The following INSYN1 variants were observed in gnomAD, a reference collection of about 807,000 sequenced individuals.
INSYN1 encodes inhibitory synaptic factor 1.
Under a neutral mutation model 17.1 loss-of-function variants are expected in INSYN1, and 7 were observed. That is an observed-to-expected ratio of 0.41 (90% CI 0.23 to 0.77). The LOEUF is 0.77. INSYN1 is among the 30% of genes least tolerant of loss of function. The pLI, the probability that INSYN1 is intolerant of heterozygous loss-of-function variation, is 0.32. For missense variants in INSYN1, 339 were observed against 400.6 expected (o/e 0.85, Z 1.31); for synonymous variants, 174 against 166.3 (o/e 1.05, Z -0.36).
At position 73,740,290 on chromosome 15, in the gene INSYN1, G is replaced by A. The variant is rs79475978; in HGVS notation, c.509C>T (p.Thr170Met). Residue 170 changes from threonine to methionine, a missense_variant, in exon 3 of 3, where the codon ACG becomes ATG. Transcript: ENST00000569673. ...SSEEAFGAGP[T>M]VKSQLPQRTP... ...CCGCTGGGGCAGCTGGCTCTTCACC[G>A]TGGGGCCAGCACCAAAGGCCTCCTC... 20,227 of 1,613,350 alleles carry A rather than the reference G, an allele frequency of 0.013. 162 individuals carry two copies. The highest frequency in any genetic ancestry group is 0.015 in the Non-Finnish European group (17,387 of 1,179,812).
intron 2 of INSYN1, among the ~76,000 whole-genome samples, chr15:73,745,769 A>G (rs1901807797): frequency 6.7e-6 from 1 of 149,736 alleles, no homozygotes; most frequent in African/African-American, 2.5e-5. Flanking sequence ...AGATCACACC[A>G]CTGCACTCCA....
intron 2 of INSYN1, among the ~76,000 whole-genome samples, chr15:73,741,243 G>A (rs1231005446): frequency 6.6e-6 from 1 of 152,204 alleles, no homozygotes; most frequent in Non-Finnish European, 1.5e-5. Context: ...CACTGGCTGG[G>A]TCACCCCACC....
intron 2 of INSYN1, among the ~76,000 whole-genome samples, chr15:73,740,953 T>C (rs1429505513): frequency 1.3e-5 from 2 of 152,208 alleles, no homozygotes; most frequent in Non-Finnish European, 2.9e-5. Context: ...CCCCTGTCTC[T>C]CAAACACAGC....
At chr15:73,744,336 T>G (rs560625145) in intron 2 of INSYN1, among the ~76,000 whole-genome samples, 2 of 152,294 alleles carry the variant, frequency 1.3e-5, no homozygotes, top group East Asian at 3.9e-4. Flanking sequence ...TGCCCAAAGT[T>G]AGGGCTGTCT....
chr15:73,748,684 G>C (rs908485658), intron 2 of INSYN1, among the ~76,000 whole-genome samples: 1 of 152,184 alleles, frequency 6.6e-6, no homozygotes, highest in Non-Finnish European at 1.5e-5. Context: ...CCAAACCGGG[G>C]TCTGGCACCC....
intron 2 of INSYN1, among the ~76,000 whole-genome samples, chr15:73,745,008 T>A (rs1901785268): frequency 6.7e-6 from 1 of 149,666 alleles, no homozygotes; most frequent in Non-Finnish European, 1.5e-5. Context: ...CTGAGGGCTG[T>A]GGCAGAACCT....
Position 73,753,131 on chromosome 15 carries a change from C to T in INSYN1, c.-1589G>A, listed in dbSNP as rs1412492135. On this transcript the variant is annotated 5_prime_UTR_variant, in exon 1 of 3. Coordinates refer to ENST00000569673, the MANE Select transcript of INSYN1 (RefSeq NM_001039614.3). The surrounding 1 kb of genome is among the most constrained non-coding windows in gnomAD (Gnocchi z 4.2). The stretch of plus-strand genomic sequence containing the variant: ...GGGGCAAACAGGCGCCGGGTCGGGG[C>T]TGGGCCTCCCTTCACCGCCTCGCCC... Among the ~76,000 whole-genome samples, 1 of 148,682 alleles carries T rather than the reference C, an allele frequency of 6.7e-6. No individual in the cohort carries two copies. Among genetic ancestry groups the T allele is most frequent in the African/African-American group, 2.4e-5 (1 of 40,984 alleles).
chr15:73,749,099 G>A (rs368336213), intron 2 of INSYN1, among the ~76,000 whole-genome samples: 1 of 152,128 alleles, frequency 6.6e-6, no homozygotes, highest in East Asian at 1.9e-4. Flanking sequence ...GGGAAGGAGA[G>A]GGCATCTAAA....
Position 73,753,083 on chromosome 15 carries a change from C to A in INSYN1, c.-1541G>T, listed in dbSNP as rs1902036496. On this transcript the variant is annotated 5_prime_UTR_variant, in exon 1 of 3. Transcript: ENST00000569673. The surrounding 1 kb of genome is among the most constrained non-coding windows in gnomAD (Gnocchi z 4.2). ...TCTCGGCTCCCCGCCTCAGCAGCCC[C>A]CGGGCGCCGGGTCGCCGCCGGTGGG... Among the ~76,000 whole-genome samples the A allele has an allele frequency of 1.3e-5, 2 of 150,468 alleles. No individual in the cohort carries two copies. Among genetic ancestry groups the A allele is most frequent in the Non-Finnish European group, 3.0e-5 (2 of 67,426 alleles).
In INSYN1 at chr15:73,740,656, G is replaced by A; in HGVS notation, c.157-14C>T. Reference sequence around the variant, plus strand: ...CTGGCTCACCACCTGACCAGGGAAGGGGAGAGGAGATGAGAGGGGCCAGGT... The same window carrying A: ...CTGGCTCACCACCTGACCAGGGAAGAGGAGAGGAGATGAGAGGGGCCAGGT... On this transcript the variant is annotated splice_polypyrimidine_tract_variant and intron_variant, in intron 2 of 2. Transcript: ENST00000569673. 6.3e-7 allele frequency: 1 copy of A among 1,593,570 alleles called. No homozygotes were observed. Among genetic ancestry groups the A allele is most frequent in the Non-Finnish European group, 8.6e-7 (1 of 1,168,486 alleles).
At chr15:73,746,042 C>G (rs1399921636) in intron 2 of INSYN1, among the ~76,000 whole-genome samples, 3 of 150,504 alleles carry the variant, frequency 2.0e-5, no homozygotes, top group African/African-American at 7.3e-5. Context: ...CCCACCACAC[C>G]CCCCACCCTG....
intron 2 of INSYN1, 79 bp from the exon 3 acceptor site, chr15:73,740,721 C>A (rs1357325297): frequency 8.7e-7 from 1 of 1,151,480 alleles, no homozygotes; most frequent in African/African-American, 1.5e-5. Flanking sequence ...GTCTCCACCC[C>A]ATCCCTGTAG....
Position 73,739,803 on chromosome 15 carries a change from G to C in INSYN1, c.*114C>G, listed in dbSNP as rs1270179246. ...TGGGGCCTGTGGGGCCAGATCCTTAGCATTTTTAAATTTTATTATGACTTC... is the reference window on the plus strand; with the variant it reads ...TGGGGCCTGTGGGGCCAGATCCTTACCATTTTTAAATTTTATTATGACTTC... On this transcript the variant is annotated 3_prime_UTR_variant, in exon 3 of 3. Transcript: ENST00000569673. 4.5e-6 allele frequency: 1 copy of C among 220,360 alleles called. No homozygotes were observed. The highest frequency in any genetic ancestry group is 8.2e-6 in the Non-Finnish European group (1 of 122,246). 13.7% of individuals were successfully genotyped at this position (220,360 alleles called of 1,614,324 possible).
chr15:73,744,109 G>A (rs1339368528), intron 2 of INSYN1, among the ~76,000 whole-genome samples: 1 of 152,090 alleles, frequency 6.6e-6, no homozygotes, highest in Non-Finnish European at 1.5e-5. Context: ...ACAGCATATG[G>A]AACAAGGCAG....
chr15:73,740,439 G>T lies in INSYN1; in HGVS notation c.360C>A (p.Thr120=). 6.2e-7 allele frequency: 1 copy of T among 1,613,798 alleles called. No individual in the cohort carries two copies. The change falls in exon 3 of 3, where the codon ACC becomes ACA. Residue 120 remains threonine (T), a synonymous_variant. Coordinates refer to ENST00000569673, the MANE Select transcript of INSYN1 (RefSeq NM_001039614.3). ...CGGGACCATCCACGGAGTCCGAGGG[G>T]GTAGAGACGTCCAGGAAGGAGCAGA... is the stretch of plus-strand genomic sequence containing the variant. ...WEFCSFLDVS[T]PSDSVDGPES...
chr15:73,740,642 C>G lies in INSYN1; in HGVS notation c.157G>C (p.Val53Leu). The G allele has an allele frequency of 1.9e-6, 3 of 1,604,454 alleles. No individual in the cohort carries two copies. The highest frequency in any genetic ancestry group is 2.6e-6 in the Non-Finnish European group (3 of 1,174,418). ...GTTAGCTTATCGATCTGGCTCACCACCTGACCAGGGAAGGGGAGAGGAGAT... is the reference window on the plus strand; with the variant it reads ...GTTAGCTTATCGATCTGGCTCACCAGCTGACCAGGGAAGGGGAGAGGAGAT... ...LKEVAKELREVVSQIDKLTSD... is the reference protein window; with the variant it reads ...LKEVAKELRELVSQIDKLTSD... The change falls in exon 3 of 3, where the codon GTG (valine) becomes CTG (leucine). Residue 53 changes from valine (V) to leucine (L), a missense_variant and splice_region_variant. Physicochemically the swap from Val to Leu is conservative, Grantham distance 32 (BLOSUM62 1). Coordinates refer to ENST00000569673, the MANE Select transcript of INSYN1 (RefSeq NM_001039614.3).
At position 73,740,187 on chromosome 15, in the gene INSYN1, C is replaced by A. The variant is rs1362847664; in HGVS notation, c.612G>T (p.Gly204=). The A allele has an allele frequency of 2.5e-6, 4 of 1,614,000 alleles. No individual in the cohort carries two copies. ...CCTCCTCCACCTCCTGCTCACCGTC[C>A]CCCTCCTCATCGTCACAGCACAGAG... ...YHALCCDDEE[G]DGEQEVEEEE... The change falls in exon 3 of 3, where the codon GGG becomes GGT. Residue 204 remains glycine (G), a synonymous_variant. Coordinates refer to ENST00000569673, the MANE Select transcript of INSYN1 (RefSeq NM_001039614.3).
rs755523212 is a variant in INSYN1 at position 73,751,166 on chromosome 15, C to A, written c.-36G>T. On this transcript the variant is annotated 5_prime_UTR_variant, in exon 2 of 3. Transcript: ENST00000569673. ...GTGGCCGCAGGCCTGCCCATACTCC[C>A]CCCAGCTGGGCACACACTGCGTCTG... The A allele has an allele frequency of 2.0e-5, 33 of 1,610,226 alleles. No homozygotes were observed. The highest frequency in any genetic ancestry group is 2.7e-5 in the Non-Finnish European group (32 of 1,178,974).
Position 73,753,152 on chromosome 15 carries a change from C to CGACCT in INSYN1, c.-1611_-1610insAGGTC, listed in dbSNP as rs1365242627. Among the ~76,000 whole-genome samples, 1 of 147,410 alleles carries CGACCT rather than the reference C, an allele frequency of 6.8e-6. No individual in the cohort carries two copies. ...GGGGCTGGGCCTCCCTTCACCGCCT[C>CGACCT]GCCCTGCCCTGCCCCGCCGGGCTCC... On this transcript the variant is annotated 5_prime_UTR_variant, in exon 1 of 3. Transcript: ENST00000569673. The surrounding 1 kb of genome is among the most constrained non-coding windows in gnomAD (Gnocchi z 4.2).
Sources: allele counts gnomAD v4.1 joint callset (sites outside exome capture counted in the v4.1 genomes callset), GRCh38; gene constraint gnomAD v4.1.1; non-coding constraint Gnocchi (gnomAD v3.1); transcripts MANE v1.5; gene names NCBI Gene and HGNC (gene_info 2026-07-23, HGNC 2026-07-21).